ELAC2: variants seen among roughly 807,000 people sequenced by gnomAD.
ELAC2 encodes zinc phosphodiesterase ELAC protein 2.
A neutral mutation model predicts 105.2 loss-of-function variants in ELAC2; 92 were observed. That is an observed-to-expected ratio of 0.87 (90% CI 0.74 to 1.04). The LOEUF is 1.04. Ranked by LOEUF, ELAC2 falls within the 50% of genes least tolerant of loss-of-function variation. The probability of loss-of-function intolerance (pLI) is 0.00; values close to 1 mark genes in which losing one functional copy is unlikely to be tolerated. For missense variants in ELAC2, 1,099 were observed against 1,071.7 expected (o/e 1.03, Z -0.36); for synonymous variants, 468 against 409.1 (o/e 1.14, Z -1.74).
intron 5 of ELAC2, 119 bp downstream of exon 5, chr17:13,014,320 G>T: frequency 2.6e-6 from 2 of 763,572 alleles, no homozygotes; most frequent in Non-Finnish European, 2.3e-6. Flanking sequence ...AAAATCTCGT[G>T]GTGATGAAGC....
chr17:13,009,681 C>G (rs1163471741), intron 8 of ELAC2, among the ~76,000 whole-genome samples: 1 of 152,070 alleles, frequency 6.6e-6, no homozygotes, highest in Non-Finnish European at 1.5e-5. Context: ...CTAAAAGGAC[C>G]AATCATTGGC....
chr17:13,006,083 A>C, intron 8 of ELAC2, 104 bp from the exon 9 acceptor site: 1 of 1,265,016 alleles, frequency 7.9e-7, no homozygotes, highest in African/African-American at 1.5e-5. Flanking sequence ...AAAAAATAAT[A>C]ATGTTGGCCA....
intron 10 of ELAC2, 85 bp downstream of exon 10, chr17:13,005,668 T>G (rs1598238160): frequency 7.2e-7 from 1 of 1,393,652 alleles, no homozygotes; most frequent in South Asian, 1.2e-5. Flanking sequence ...AAAAGTGGTG[T>G]CTGTAGGGCC....
intron 11 of ELAC2, 112 bp downstream of exon 11, chr17:13,004,877 T>C: frequency 1.1e-6 from 1 of 903,070 alleles, no homozygotes; most frequent in Non-Finnish European, 1.8e-6. Context: ...CTCTGAACTG[T>C]AAACCCAGAT....
chr17:13,001,706 T>C (rs916027817), intron 14 of ELAC2, among the ~76,000 whole-genome samples: 2 of 151,600 alleles, frequency 1.3e-5, no homozygotes, highest in Non-Finnish European at 2.9e-5. Flanking sequence ...CCATCAAAGA[T>C]TTATATATAA....
Position 12,993,052 on chromosome 17 carries a change from G to GAC in ELAC2, c.2254-9_2254-8dup, listed in dbSNP as rs2040269664. 1 of 1,600,998 alleles carries GAC rather than the reference G, an allele frequency of 6.2e-7. No individual in the cohort carries two copies. The highest frequency in any genetic ancestry group is 1.7e-5 in the Admixed American group (1 of 59,992). ...GAAAGTCTCCAAAGCAGACCTAGAA[G>GAC]ACACAATAGAAGACAAGGACATGTC... On this transcript the variant is annotated splice_region_variant and splice_polypyrimidine_tract_variant and intron_variant, in intron 23 of 23. Coordinates refer to ENST00000338034, the MANE Select transcript of ELAC2 (RefSeq NM_018127.7).
At chr17:13,013,328 G>A in intron 5 of ELAC2, 53 bp from the exon 6 acceptor site, 2 of 1,591,404 alleles carry the variant, frequency 1.3e-6, no homozygotes, top group Admixed American at 3.4e-5. Flanking sequence ...AGATGTGTGG[G>A]AAGAGTAACT....
intron 16 of ELAC2, among the ~76,000 whole-genome samples, chr17:12,997,519 C>T (rs748808051): frequency 3.3e-5 from 5 of 152,248 alleles, no homozygotes; most frequent in African/African-American, 7.2e-5. Flanking sequence ...AAAAGCTGCT[C>T]GCAGGGTGTC....
At chr17:13,009,480 G>A (rs894806627) in intron 8 of ELAC2, among the ~76,000 whole-genome samples, 1 of 152,194 alleles carries the variant, frequency 6.6e-6, no homozygotes, top group Admixed American at 6.5e-5. Context: ...ATTTTTAATG[G>A]AATTTGACCA....
chr17:12,992,797 A>G lies in ELAC2; in HGVS notation c.*21T>C. 2 of 1,611,462 alleles carry G rather than the reference A, an allele frequency of 1.2e-6. No individual in the cohort carries two copies. The highest frequency in any genetic ancestry group is 1.7e-5 in the Admixed American group (1 of 59,958). On this transcript the variant is annotated 3_prime_UTR_variant, in exon 24 of 24. Transcript: ENST00000338034. ...GGGGCAGAAGACACACAGCCTTCTGAGTTCAGGGTCTCCCAGATCTTCACT... is the reference window on the plus strand; with the variant it reads ...GGGGCAGAAGACACACAGCCTTCTGGGTTCAGGGTCTCCCAGATCTTCACT...
rs1337946720 is a variant in ELAC2, at chr17:13,000,202, G to A, written c.1377C>T (p.Ser459=). 7 of 1,614,042 alleles carry A rather than the reference G, an allele frequency of 4.3e-6. No individual in the cohort carries two copies. In the African/African-American group the frequency reaches 5.3e-5, roughly 12 times the overall value. The change falls in exon 15 of 24, where the codon AGC becomes AGT. Residue 459 remains serine, a synonymous_variant. Coordinates refer to ENST00000338034, the MANE Select transcript of ELAC2 (RefSeq NM_018127.7). Reference sequence around the variant, plus strand: ...GCGCACTCCTCCTGTACTCCTGCACGCTCTGCTGGAAGTTGGGAAGCTGCA... The same window carrying A: ...GCGCACTCCTCCTGTACTCCTGCACACTCTGCTGGAAGTTGGGAAGCTGCA... ...EALQLPNFQQ[S]VQEYRRSAQD...
intron 7 of ELAC2, among the ~76,000 whole-genome samples, chr17:13,011,348 G>A (rs1225628125): frequency 2.0e-5 from 3 of 152,122 alleles, no homozygotes; most frequent in Non-Finnish European, 2.9e-5. Context: ...TTGCATAAAT[G>A]TTACATTAAT....
chr17:13,002,587 G>A lies in ELAC2; in HGVS notation c.1080-8C>T, dbSNP rs201721293. On this transcript the variant is annotated splice_region_variant and splice_polypyrimidine_tract_variant and intron_variant, in intron 12 of 23. Transcript: ENST00000338034. ...TGGGTGTCAGGCCCAAACCTGTGAAGAAACAGACCCGGCATTTGCAGCGTC... is the reference window on the plus strand; with the variant it reads ...TGGGTGTCAGGCCCAAACCTGTGAAAAAACAGACCCGGCATTTGCAGCGTC... The A allele has an allele frequency of 1.3e-6, 2 of 1,595,070 alleles. No individual in the cohort carries two copies. The highest frequency in any genetic ancestry group is 1.7e-6 in the Non-Finnish European group (2 of 1,169,114).
intron 19 of ELAC2, 142 bp downstream of exon 19, chr17:12,995,561 T>C: frequency 1.3e-6 from 1 of 776,978 alleles, no homozygotes. Context: ...AATGCACTTC[T>C]CCCCTGCTTC....
chr17:13,011,119 G>A (rs757078619), intron 7 of ELAC2, among the ~76,000 whole-genome samples: 44 of 152,308 alleles, frequency 2.9e-4, no homozygotes, highest in Non-Finnish European at 6.0e-4. Context: ...CACTAGACAA[G>A]ACCTCAGGAC....
chr17:13,002,059 T>C (rs573688146), intron 14 of ELAC2, among the ~76,000 whole-genome samples: 34 of 152,188 alleles, frequency 2.2e-4, no homozygotes, highest in African/African-American at 7.2e-4. Context: ...CAGCCTGGAG[T>C]AGGCTGCTTT....
Position 13,010,638 on chromosome 17 carries a change from G to C in ELAC2, c.713C>G (p.Ser238Cys). 4 of 1,614,118 alleles carry C rather than the reference G, an allele frequency of 2.5e-6. No individual in the cohort carries two copies. The highest frequency in any genetic ancestry group is 2.5e-6 in the Non-Finnish European group (3 of 1,180,022). ...CTTACAGATGAAAGCTACGACCAGG[G>C]AAGAGTCCCTGACCCCTCTTCTCTG... The part of the protein sequence containing the change: ...VSQRRGVRDS[S>C]LVVAFICKLH... Residue 238 changes from serine to cysteine, a missense_variant, in exon 8 of 24, where the codon TCC becomes TGC. Coordinates refer to ENST00000338034, the MANE Select transcript of ELAC2 (RefSeq NM_018127.7).
At chr17:13,005,670 T>C in intron 10 of ELAC2, 83 bp downstream of exon 10, 2 of 1,423,574 alleles carry the variant, frequency 1.4e-6, no homozygotes, top group Non-Finnish European at 2.0e-6. Flanking sequence ...AAGTGGTGTC[T>C]GTAGGGCCTG....
chr17:12,994,932 C>G (rs1228560461), intron 20 of ELAC2, 31 bp downstream of exon 20: 2 of 1,613,338 alleles, frequency 1.2e-6, no homozygotes, highest in Non-Finnish European at 1.7e-6. Context: ...CCCCACCTCG[C>G]CCCCATGATG....
Sources: allele counts gnomAD v4.1 joint callset (sites outside exome capture counted in the v4.1 genomes callset), GRCh38; gene constraint gnomAD v4.1.1; transcripts MANE v1.5; gene names NCBI Gene and HGNC (gene_info 2026-07-23, HGNC 2026-07-21).